DPP8: variants seen among roughly 807,000 people sequenced by gnomAD.
The protein encoded by DPP8 is dipeptidyl peptidase 8, also known as DPP VIII.
DPP8 carries 31 observed loss-of-function variants against 107.5 expected under a neutral mutation model. The observed-to-expected ratio is 0.29, with a 90% confidence interval of 0.22 to 0.39. DPP8 has a LOEUF of 0.39. Ranked by LOEUF, DPP8 falls within the 10% of genes least tolerant of loss-of-function variation. DPP8 has a pLI of 1.00. For synonymous variants in DPP8, 381 were observed against 356.6 expected (o/e 1.07, Z -0.77); for missense variants, 842 against 1,076.1 (o/e 0.78, Z 3.04).
In DPP8 at chr15:65,512,574, C is replaced by G. The variant is rs573172710; in HGVS notation, c.-11-10G>C. 35 of 1,613,692 alleles carry G rather than the reference C, an allele frequency of 2.2e-5. No individual in the cohort carries two copies. In the South Asian group the frequency reaches 3.1e-4, roughly 14 times the overall value. ...GCCATGTTGCATTTTCCTAGAAAAA[C>G]AAGGCACATGAAGCTGTTCACGGGT... is the stretch of plus-strand genomic sequence containing the variant. On this transcript the variant is annotated splice_polypyrimidine_tract_variant and intron_variant, in intron 1 of 19. Transcript: ENST00000300141.
At chr15:65,468,315 G>A (rs1437066046) in intron 12 of DPP8, among the ~76,000 whole-genome samples, 1 of 151,910 alleles carries the variant, frequency 6.6e-6, no homozygotes, top group Non-Finnish European at 1.5e-5. Flanking sequence ...GGCAAAATAG[G>A]GAGACCCCAT....
chr15:65,512,258 G>A (rs374734640), intron 2 of DPP8, 37 bp downstream of exon 2: 2 of 1,567,802 alleles, frequency 1.3e-6, no homozygotes, highest in African/African-American at 1.4e-5. Flanking sequence ...TGACTTAAGA[G>A]ATCATTTTCT....
At chr15:65,477,202 C>G (rs2066468063) in intron 11 of DPP8, among the ~76,000 whole-genome samples, 2 of 152,030 alleles carry the variant, frequency 1.3e-5, no homozygotes, top group Admixed American at 1.3e-4. Context: ...TGGTGAATCA[C>G]ATGAGGTCAG....
At chr15:65,482,196 GAAATT>G (rs2066994135) in intron 8 of DPP8, among the ~76,000 whole-genome samples, 1 of 151,412 alleles carries the variant, frequency 6.6e-6, no homozygotes, top group Non-Finnish European at 1.5e-5. Context: ...TGCTTGTAAT[GAAATT>G]AAATAAAATA....
Position 65,454,263 on chromosome 15 carries a change from C to T in DPP8, c.2271G>A (p.Arg757=). The T allele has an allele frequency of 6.6e-7, 1 of 1,521,646 alleles. No homozygotes were observed. The highest frequency in any genetic ancestry group is 8.7e-7 in the Non-Finnish European group (1 of 1,143,548). The allele number at this position is 1,521,646 out of a possible 1,614,324, so 94.3% of individuals were successfully genotyped here. Residue 757 remains arginine, a splice_region_variant and synonymous_variant, in exon 17 of 20, where the codon AGG becomes AGA. Transcript: ENST00000300141. Reference sequence around the variant, plus strand: ...ATGAGTATAATAGGAAGTCACATACCCTGAAGATATCTGACCTCTGCATTA... The same window carrying T: ...ATGAGTATAATAGGAAGTCACATACTCTGAAGATATCTGACCTCTGCATTA... ...MALMQRSDIF[R]VAIAGAPVTL...
chr15:65,482,863 G>A (rs1335479183), intron 8 of DPP8, among the ~76,000 whole-genome samples: 7 of 151,856 alleles, frequency 4.6e-5, no homozygotes, highest in East Asian at 3.9e-4. Flanking sequence ...TTGAGAGGCC[G>A]AGGCGGGCAA....
chr15:65,468,388 G>A (rs1242933446), intron 12 of DPP8, among the ~76,000 whole-genome samples: 1 of 151,984 alleles, frequency 6.6e-6, no homozygotes, highest in Non-Finnish European at 1.5e-5. Flanking sequence ...CCAGCTACTT[G>A]GAAGGCTGAA....
chr15:65,469,426 G>A (rs1381112658), intron 12 of DPP8, among the ~76,000 whole-genome samples: 1 of 151,302 alleles, frequency 6.6e-6, no homozygotes, highest in Non-Finnish European at 1.5e-5. Context: ...AGGTGGAGGC[G>A]GCAGGTCACT....
chr15:65,512,352 T>A lies in DPP8; in HGVS notation c.202A>T (p.Met68Leu). ...YMMAKAPHDF[M>L]FVKRNDPDGP... is the part of the protein sequence containing the mutation. ...TCTGGATCATTCCTCTTCACAAACA[T>A]GAAATCATGTGGTGCCTTAGCCATC... The change falls in exon 2 of 20, where the codon ATG (methionine) becomes TTG (leucine). Residue 68 changes from methionine to leucine, a missense_variant. Transcript: ENST00000300141. 1 of 1,613,860 alleles carries A rather than the reference T, an allele frequency of 6.2e-7. No homozygotes were observed. Among genetic ancestry groups the A allele is most frequent in the South Asian group, 1.1e-5 (1 of 91,072 alleles).
chr15:65,507,672 A>G (rs866186670), intron 2 of DPP8, among the ~76,000 whole-genome samples: 24 of 152,074 alleles, frequency 1.6e-4, no homozygotes, highest in Non-Finnish European at 2.5e-4. Context: ...AAAAAAAAAA[A>G]AAAAGAAATC....
intron 4 of DPP8, among the ~76,000 whole-genome samples, chr15:65,499,273 G>C (rs1050019225): frequency 6.6e-6 from 1 of 151,642 alleles, no homozygotes; most frequent in Non-Finnish European, 1.5e-5. Flanking sequence ...CTGTCGCCCA[G>C]GGTGGAGGAC....
chr15:65,514,908 G>A (rs765092343), intron 1 of DPP8, among the ~76,000 whole-genome samples: 1 of 152,172 alleles, frequency 6.6e-6, no homozygotes, highest in Non-Finnish European at 1.5e-5. Context: ...TGTTACGTTT[G>A]GAAGTTCACC....
chr15:65,471,670 CAG>C (rs2065911461), intron 12 of DPP8, among the ~76,000 whole-genome samples: 1 of 151,888 alleles, frequency 6.6e-6, no homozygotes, highest in African/African-American at 2.4e-5. Flanking sequence ...ATTTTTTTTG[CAG>C]AGACGGAGTC....
Position 65,463,910 on chromosome 15 carries a change from T to C in DPP8, c.1826-4A>G. 1 of 1,555,534 alleles carries C rather than the reference T, an allele frequency of 6.4e-7. No homozygotes were observed. Among genetic ancestry groups the C allele is most frequent in the Non-Finnish European group, 8.6e-7 (1 of 1,156,946 alleles). ...GGAGTATAGTCAGGAAGAGGACCTGTGAATAGGTAACATAACAGAGTCTAC... is the reference window on the plus strand; with the variant it reads ...GGAGTATAGTCAGGAAGAGGACCTGCGAATAGGTAACATAACAGAGTCTAC... On this transcript the variant is annotated splice_region_variant and splice_polypyrimidine_tract_variant and intron_variant, in intron 14 of 19. Transcript: ENST00000300141.
chr15:65,509,278 T>C (rs918726184), intron 2 of DPP8, among the ~76,000 whole-genome samples: 2 of 152,194 alleles, frequency 1.3e-5, no homozygotes, highest in African/African-American at 4.8e-5. Flanking sequence ...CTAAGAGCCT[T>C]CAGTCTTCAA....
At chr15:65,480,035 T>C in intron 10 of DPP8, among the ~76,000 whole-genome samples, 187 bp downstream of exon 10, 1 of 152,146 alleles carries the variant, frequency 6.6e-6, no homozygotes, top group East Asian at 1.9e-4. Flanking sequence ...TTCAATGGCA[T>C]CTACTTTCTA....
chr15:65,511,400 A>G (rs2070747644), intron 2 of DPP8, among the ~76,000 whole-genome samples: 1 of 152,114 alleles, frequency 6.6e-6, no homozygotes, highest in Non-Finnish European at 1.5e-5. Context: ...AATATGGCAC[A>G]ATTATATAAT....
In DPP8 at chr15:65,463,922, A is replaced by G. The variant is rs1378753830; in HGVS notation, c.1826-16T>C. 7.2e-6 allele frequency: 11 copies of G among 1,531,460 alleles called. No homozygotes were observed. The highest frequency in any genetic ancestry group is 4.6e-5 in the East Asian group (2 of 43,062). 94.9% of individuals were successfully genotyped at this position (1,531,460 alleles called of 1,614,324 possible). On this transcript the variant is annotated splice_polypyrimidine_tract_variant and intron_variant, in intron 14 of 19. Coordinates refer to ENST00000300141, the MANE Select transcript of DPP8 (RefSeq NM_130434.5). Reference sequence around the variant, plus strand: ...GGAAGAGGACCTGTGAATAGGTAACATAACAGAGTCTACAAAAGAGTTCTT... The same window carrying G: ...GGAAGAGGACCTGTGAATAGGTAACGTAACAGAGTCTACAAAAGAGTTCTT...
In DPP8 at chr15:65,480,075, T is replaced by C. The variant is rs1340777378; in HGVS notation, c.1296+147A>G. 8.0e-6 allele frequency: 5 copies of C among 625,944 alleles called. No individual in the cohort carries two copies. The East Asian group carries it at 1.2e-4, about 14-fold the overall frequency. The allele number at this position is 625,944 out of a possible 1,614,324, so 38.8% of individuals were successfully genotyped here. A position where few individuals can be genotyped will look rare whatever the true frequency, so the allele number is the denominator to read the frequency against. On this transcript the variant is annotated intron_variant, in intron 10 of 19. Transcript: ENST00000300141. ...TACAAACCATTCCATTCTGGAACCATCACTCCAATTGGAAATGCTCATACT... is the reference window on the plus strand; with the variant it reads ...TACAAACCATTCCATTCTGGAACCACCACTCCAATTGGAAATGCTCATACT...
Sources: allele counts gnomAD v4.1 joint callset (sites outside exome capture counted in the v4.1 genomes callset), GRCh38; gene constraint gnomAD v4.1.1; transcripts MANE v1.5; gene names NCBI Gene and HGNC (gene_info 2026-07-23, HGNC 2026-07-21).